RHBDD1: variants seen among roughly 807,000 people sequenced by gnomAD.
RHBDD1 encodes the protein rhomboid-related protein 4.
RHBDD1 carries 38 observed loss-of-function variants against 36.3 expected under a neutral mutation model. The ratio of observed to expected loss-of-function variants is 1.05; its 90% CI spans 0.81 to 1.37. RHBDD1 has a LOEUF of 1.37. Ranked by LOEUF, RHBDD1 falls within the 40% of genes most tolerant of loss-of-function variation. The pLI, the probability that RHBDD1 is intolerant of heterozygous loss-of-function variation, is 0.00. For synonymous variants in RHBDD1, 151 were observed against 136.5 expected, an observed-to-expected ratio of 1.11 and a Z score of -0.74; for missense variants, 393 against 377.6, an observed-to-expected ratio of 1.04 and a Z score of -0.34.
intron 8 of RHBDD1, among the ~76,000 whole-genome samples, chr2:226,925,253 A>G (rs971120993): frequency 6.6e-6 from 1 of 152,210 alleles, no homozygotes; most frequent in Non-Finnish European, 1.5e-5. Context: ...GAAATAATAG[A>G]GAGATGGTCC....
chr2:226,951,630 T>C (rs1052294708), intron 8 of RHBDD1, among the ~76,000 whole-genome samples: 12 of 152,172 alleles, frequency 7.9e-5, no homozygotes, highest in Admixed American at 7.2e-4. Flanking sequence ...GAATATGAAA[T>C]CCCAAATGTT....
chr2:226,952,259 G>A (rs927418665), intron 8 of RHBDD1, among the ~76,000 whole-genome samples: 1 of 150,622 alleles, frequency 6.6e-6, no homozygotes, highest in African/African-American at 2.4e-5. Flanking sequence ...AAGGTAGTGG[G>A]TGCTTCCTGT....
chr2:226,823,536 T>G, the RHBDD1 span, among the ~76,000 whole-genome samples: 1 of 152,334 alleles, frequency 6.6e-6, no homozygotes, highest in African/African-American at 2.4e-5. Flanking sequence ...ATGAATAATA[T>G]ATTTTTCTTA....
rs201712000 is a variant in RHBDD1, at chr2:226,849,740, ATATC to A, written c.-91+10117_-91+10120del. On this transcript the variant is annotated intron_variant, in intron 3 of 8. Coordinates refer to ENST00000392062, the MANE Select transcript of RHBDD1 (RefSeq NM_001167608.3). ...ATCTATATCTATATAATCTGTATCTATATCTATATATCTATATCATCTGTATCTA... is the reference window on the plus strand; with the variant it reads ...ATCTATATCTATATAATCTGTATCTATATATATCTATATCATCTGTATCTA... Among the ~76,000 whole-genome samples the A allele has an allele frequency of 6.9e-3, 1,043 of 151,510 alleles. 7 individuals are homozygous for A. The highest frequency in any genetic ancestry group is 0.024 in the African/African-American group (991 of 40,950).
At chr2:226,906,666 A>G in intron 5 of RHBDD1, 127 bp from the exon 6 acceptor site, 3 of 1,549,430 alleles carry the variant, frequency 1.9e-6, no homozygotes, top group Non-Finnish European at 2.6e-6. Context: ...TGCTTAGCAT[A>G]AAAGACTTGA....
chr2:226,958,897 C>T (rs562538033), intron 8 of RHBDD1, among the ~76,000 whole-genome samples: 3 of 152,072 alleles, frequency 2.0e-5, no homozygotes, highest in South Asian at 4.2e-4. Context: ...TTTTTTCTTC[C>T]CCTTCTGCTC....
At chr2:226,903,438 A>G (rs910300973) in intron 5 of RHBDD1, among the ~76,000 whole-genome samples, 1 of 152,108 alleles carries the variant, frequency 6.6e-6, no homozygotes, top group Non-Finnish European at 1.5e-5. Flanking sequence ...AGTAGCTGTT[A>G]TGATTATGAG....
chr2:226,866,641 C>T (rs538797013), intron 4 of RHBDD1, among the ~76,000 whole-genome samples: 2 of 152,242 alleles, frequency 1.3e-5, no homozygotes, highest in South Asian at 2.1e-4. Context: ...TTAAATTAGG[C>T]GTTCTAAATA....
chr2:226,988,346 A>G, intron 8 of RHBDD1: 2 of 1,550,076 alleles, frequency 1.3e-6, no homozygotes, highest in Non-Finnish European at 1.7e-6. Flanking sequence ...ACCAGGTCAT[A>G]AAGAGACAAT....
chr2:226,824,311 C>T, the RHBDD1 span, among the ~76,000 whole-genome samples: 1 of 151,984 alleles, frequency 6.6e-6, no homozygotes, highest in Non-Finnish European at 1.5e-5. Context: ...AAACAATTGG[C>T]AGCATTAAAA....
At chr2:226,941,333 G>T in intron 8 of RHBDD1, among the ~76,000 whole-genome samples, 1 of 152,148 alleles carries the variant, frequency 6.6e-6, no homozygotes, top group Non-Finnish European at 1.5e-5. Flanking sequence ...CTTCTCCATC[G>T]GCCTTCAGCC....
intron 5 of RHBDD1, among the ~76,000 whole-genome samples, chr2:226,906,238 G>A (rs1948042933): frequency 6.6e-6 from 1 of 152,134 alleles, no homozygotes; most frequent in Non-Finnish European, 1.5e-5. Context: ...ATGTTTCTTT[G>A]TTCTGAGTGA....
intron 8 of RHBDD1, among the ~76,000 whole-genome samples, chr2:226,915,345 C>T (rs1169703724): frequency 6.6e-6 from 1 of 152,128 alleles, no homozygotes; most frequent in African/African-American, 2.4e-5. Flanking sequence ...TCTGCCAGCC[C>T]TCACTTTTGA....
intron 8 of RHBDD1, among the ~76,000 whole-genome samples, chr2:226,981,569 T>TACACACAC (rs3055611): frequency 0.031 from 4,698 of 150,230 alleles, 251 homozygotes; most frequent in African/African-American, 0.11. Context: ...TGCACACACA[T>TACACACAC]ACACACACAC....
intron 5 of RHBDD1, among the ~76,000 whole-genome samples, chr2:226,875,569 CA>C (rs1945161738): frequency 6.6e-6 from 1 of 151,804 alleles, no homozygotes; most frequent in African/African-American, 2.4e-5. Context: ...AATGTTAGTT[CA>C]ATAAAAATAG....
intron 3 of RHBDD1, among the ~76,000 whole-genome samples, chr2:226,847,058 TGATA>T (rs1942304568): frequency 6.6e-6 from 1 of 152,240 alleles, no homozygotes; most frequent in Non-Finnish European, 1.5e-5. Context: ...CTGGGGTAAC[TGATA>T]GATGTTTGAA....
intron 5 of RHBDD1, among the ~76,000 whole-genome samples, chr2:226,894,029 A>G (rs1231119619): frequency 1.3e-5 from 2 of 152,212 alleles, no homozygotes; most frequent in Non-Finnish European, 2.9e-5. Context: ...TAAATTGTAA[A>G]TGTAAAGTGA....
chr2:226,983,887 C>T (rs1261664367), intron 8 of RHBDD1, among the ~76,000 whole-genome samples: 2 of 152,128 alleles, frequency 1.3e-5, no homozygotes, highest in African/African-American at 2.4e-5. Flanking sequence ...ATCAAAAATG[C>T]TTCTTTATAC....
chr2:226,810,695 G>T, the RHBDD1 span, among the ~76,000 whole-genome samples: 1 of 152,030 alleles, frequency 6.6e-6, no homozygotes, highest in Non-Finnish European at 1.5e-5. Flanking sequence ...AAGAAGAAGA[G>T]GGCTTGGTCT....
Sources: gnomAD v4.1 joint callset for allele counts (sites outside exome capture counted in the v4.1 genomes callset) on GRCh38, gnomAD v4.1.1 for gene constraint, MANE v1.5 for transcripts, NCBI Gene and HGNC (gene_info 2026-07-23, HGNC 2026-07-21) for gene names.